The following ITGAL variants were observed in gnomAD, a reference collection of about 807,000 sequenced individuals.
ITGAL encodes the protein integrin subunit alpha L.
Under a neutral mutation model 138.4 loss-of-function variants are expected in ITGAL, and 68 were observed. The observed-to-expected ratio is 0.49, with a 90% confidence interval of 0.40 to 0.60. The LOEUF (loss-of-function observed/expected upper bound fraction) is 0.60, where lower values mean the gene tolerates loss of function less well. Ranked by LOEUF, ITGAL falls within the 20% of genes least tolerant of loss-of-function variation. The pLI is 0.00. For synonymous variants in ITGAL, 561 were observed against 584.3 expected (o/e 0.96, Z 0.57); for missense variants, 1,256 against 1,478.6 (o/e 0.85, Z 2.47).
At chr16:30,484,798 A>G (rs2050615763) in intron 9 of ITGAL, among the ~76,000 whole-genome samples, 1 of 151,698 alleles carries the variant, frequency 6.6e-6, no homozygotes, top group African/African-American at 2.4e-5. Flanking sequence ...GCATGCCTGT[A>G]ATCCCAGCTA....
intron 21 of ITGAL, 108 bp downstream of exon 21, chr16:30,506,964 T>C: frequency 8.1e-7 from 1 of 1,230,188 alleles, no homozygotes; most frequent in East Asian, 2.4e-5. Context: ...CAGCTGCGGG[T>C]GGACAGGGGT....
At chr16:30,493,997 T>G (rs2050762840) in intron 11 of ITGAL, among the ~76,000 whole-genome samples, 1 of 152,158 alleles carries the variant, frequency 6.6e-6, no homozygotes, top group South Asian at 2.1e-4. Flanking sequence ...TTTCCCTGGG[T>G]GTGCATGTCA....
intron 24 of ITGAL, among the ~76,000 whole-genome samples, chr16:30,513,190 T>C (rs1343631013): frequency 6.6e-6 from 1 of 152,256 alleles, no homozygotes; most frequent in East Asian, 1.9e-4. Flanking sequence ...TCAGAGACCA[T>C]GGCCCAGACA....
chr16:30,488,668 A>C (rs1262250355), intron 9 of ITGAL, among the ~76,000 whole-genome samples: 2 of 133,876 alleles, frequency 1.5e-5, no homozygotes, highest in African/African-American at 5.8e-5. Flanking sequence ...GCACTACCGC[A>C]CTCCAGCCTC....
intron 11 of ITGAL, among the ~76,000 whole-genome samples, chr16:30,490,785 T>C (rs1044796424): frequency 6.6e-6 from 1 of 152,022 alleles, no homozygotes; most frequent in Non-Finnish European, 1.5e-5. Flanking sequence ...CTGGCCAACA[T>C]GGTGAAACCC....
chr16:30,519,641 A>T (rs1318143613), intron 29 of ITGAL: 2 of 542,726 alleles, frequency 3.7e-6, no homozygotes, highest in Non-Finnish European at 6.6e-6. Context: ...GATTCCGGGG[A>T]AGCCATTGAA....
intron 25 of ITGAL, among the ~76,000 whole-genome samples, chr16:30,514,300 G>A (rs1329914518): frequency 3.4e-5 from 5 of 147,646 alleles, no homozygotes; most frequent in Admixed American, 2.0e-4. Context: ...TTTTTGAGAC[G>A]GAGTCTCACT....
chr16:30,509,289 C>T (rs1228098483), intron 21 of ITGAL: 1 of 152,106 alleles, frequency 6.6e-6, no homozygotes, highest in Non-Finnish European at 1.5e-5. Flanking sequence ...TTGGGAAAGT[C>T]CCTTAGCCTC....
intron 20 of ITGAL, 22 bp from the exon 21 acceptor site, chr16:30,506,693 T>C: frequency 6.2e-7 from 1 of 1,601,622 alleles, no homozygotes; most frequent in Admixed American, 1.7e-5. Context: ...CTCCTCCATC[T>C]TTCCCTGATC....
In ITGAL at chr16:30,521,710, TGCCCAGG is replaced by T; in HGVS notation, c.*49_*55del. 1 of 1,581,046 alleles carries T rather than the reference TGCCCAGG, an allele frequency of 6.3e-7. No individual in the cohort carries two copies. The highest frequency in any genetic ancestry group is 8.6e-7 in the Non-Finnish European group (1 of 1,158,062). ...AGAGTGCCCAGAACTGGACTCAGGA[TGCCCAGG>T]GCCACTCTGCCTCTGCCTGCATTCT... On this transcript the variant is annotated 3_prime_UTR_variant, in exon 31 of 31. Transcript: ENST00000356798.
chr16:30,475,567 A>T lies in ITGAL; in HGVS notation c.314A>T (p.Asp105Val). 6.2e-7 allele frequency: 1 copy of T among 1,613,582 alleles called. No individual in the cohort carries two copies. The highest frequency in any genetic ancestry group is 8.5e-7 in the Non-Finnish European group (1 of 1,179,554). Residue 105 changes from aspartate to valine, a missense_variant, in exon 4 of 31, where the codon GAT becomes GTT. By Grantham distance (152) the Asp-to-Val change is radical. Coordinates refer to ENST00000356798, the MANE Select transcript of ITGAL (RefSeq NM_002209.3). ...LGMTLATDPT[D>V]GSILACDPGL... ...ATGACCTTGGCAACAGACCCCACAG[A>T]TGGAAGCATTTTGGTAAGAATTTTG...
chr16:30,517,682 G>A lies in ITGAL; in HGVS notation c.3010G>A (p.Glu1004Lys). ...CGTGCCCTGCCACTATGAGGATCTG[G>A]AGAGGCTCCCGGATGCAGCTGAGGT... is the stretch of plus-strand genomic sequence containing the variant. ...PPVPCHYEDLERLPDAAEPCL... is the reference protein window; with the variant it reads ...PPVPCHYEDLKRLPDAAEPCL... Residue 1004 changes from glutamate to lysine, a missense_variant, in exon 27 of 31, where the codon GAG (glutamate) becomes AAG (lysine). Physicochemically the swap from Glu to Lys is moderately conservative, Grantham distance 56. Around this residue, in one of 3 missense-constraint regions of ITGAL, gnomAD observed 867 missense variants for 972.5 expected, o/e 0.89. Coordinates refer to ENST00000356798, the MANE Select transcript of ITGAL (RefSeq NM_002209.3). The A allele has an allele frequency of 1.2e-6, 2 of 1,614,154 alleles. No homozygotes were observed. The highest frequency in any genetic ancestry group is 1.7e-6 in the Non-Finnish European group (2 of 1,180,008).
At chr16:30,497,339 C>T (rs2050816914) in intron 15 of ITGAL, among the ~76,000 whole-genome samples, 3 of 149,596 alleles carry the variant, frequency 2.0e-5, no homozygotes, top group African/African-American at 4.9e-5. Context: ...TGAGACTCCG[C>T]CTCAAAAAAA....
intron 9 of ITGAL, among the ~76,000 whole-genome samples, chr16:30,488,447 C>T (rs1209679500): frequency 6.6e-6 from 1 of 151,968 alleles, no homozygotes; most frequent in African/African-American, 2.4e-5. Flanking sequence ...CAGTGGCTCA[C>T]ACCTGTCATT....
At chr16:30,520,362 G>C (rs2051234617) in intron 30 of ITGAL, among the ~76,000 whole-genome samples, 1 of 152,152 alleles carries the variant, frequency 6.6e-6, no homozygotes, top group African/African-American at 2.4e-5. Flanking sequence ...TTGAGCTCAG[G>C]AGGTCAAGGC....
At chr16:30,491,552 T>G (rs1346820962) in intron 11 of ITGAL, among the ~76,000 whole-genome samples, 1 of 152,208 alleles carries the variant, frequency 6.6e-6, no homozygotes, top group East Asian at 1.9e-4. Flanking sequence ...TCAGTTTAGC[T>G]ATCACTAGTG....
At chr16:30,502,130 G>A (rs1410810346) in intron 17 of ITGAL, among the ~76,000 whole-genome samples, 1 of 152,210 alleles carries the variant, frequency 6.6e-6, no homozygotes, top group Non-Finnish European at 1.5e-5. Context: ...GGGCGCGGTG[G>A]CTCACGCCTC....
intron 18 of ITGAL, among the ~76,000 whole-genome samples, chr16:30,504,695 G>A (rs1376677848): frequency 2.7e-5 from 4 of 147,844 alleles, no homozygotes; most frequent in Non-Finnish European, 6.0e-5. Context: ...GCAACAGCAC[G>A]AAACCCTGTC....
chr16:30,499,527 C>CT, intron 17 of ITGAL, 38 bp downstream of exon 17: 1 of 1,604,676 alleles, frequency 6.2e-7, no homozygotes, highest in African/African-American at 1.3e-5. Context: ...GATGAGCTAC[C>CT]TGCAGGGGCA....
Sources: gnomAD v4.1 joint callset for allele counts (sites outside exome capture counted in the v4.1 genomes callset) on GRCh38, gnomAD v4.1.1 for gene constraint, gnomAD v4.1.1 regional missense constraint, MANE v1.5 for transcripts, NCBI Gene and HGNC (gene_info 2026-07-23, HGNC 2026-07-21) for gene names.